Variants in PITPNM2 observed in about 807,000 individuals in gnomAD.
The protein encoded by PITPNM2 is membrane-associated phosphatidylinositol transfer protein 2.
PITPNM2 carries 35 observed loss-of-function variants against 132.2 expected under a neutral mutation model. That is an observed-to-expected ratio of 0.26 (90% confidence interval 0.20 to 0.35). PITPNM2 has a LOEUF of 0.35. Among genes scored for constraint, PITPNM2 ranks in the 10% least tolerant of loss-of-function variants. The probability of loss-of-function intolerance (pLI) is 1.00; values close to 1 mark genes in which losing one functional copy is unlikely to be tolerated. For missense variants in PITPNM2, 1,332 were observed against 1,912.0 expected (o/e 0.70, Z 5.66); for synonymous variants, 738 against 799.2 (o/e 0.92, Z 1.29).
rs1258789707 is a variant in PITPNM2, at chr12:122,987,266, C to T, written c.3413+15G>A. ...ACCTTGCTACAGCCCCTTTGTGCCC[C>T]TCTGGGCCACTCACCGCACCACGTC... On this transcript the variant is annotated intron_variant, in intron 23 of 25. Coordinates refer to ENST00000320201, the MANE Select transcript of PITPNM2 (RefSeq NM_020845.3). 1 of 1,610,992 alleles carries T rather than the reference C, an allele frequency of 6.2e-7. No homozygotes were observed. The highest frequency in any genetic ancestry group is 2.2e-5 in the East Asian group (1 of 44,888).
Position 122,990,549 on chromosome 12 carries a change from G to A in PITPNM2, c.2565C>T (p.Ala855=), listed in dbSNP as rs2038142207. 6.2e-7 allele frequency: 1 copy of A among 1,612,830 alleles called. No homozygotes were observed. The highest frequency in any genetic ancestry group is 1.1e-5 in the South Asian group (1 of 91,046). Residue 855 remains alanine (A), a synonymous_variant, in exon 17 of 26, where the codon GCC becomes GCT. Coordinates refer to ENST00000320201, the MANE Select transcript of PITPNM2 (RefSeq NM_020845.3). ...MAESYTASSI[A]QKAPDALSHT... ...TGAGGGGCCTGGTATACTCACTCTG[G>A]GCGATGCTGGATGCCGTGTAGCTCT...
At chr12:123,001,983 A>G (rs2038705520) in intron 8 of PITPNM2, among the ~76,000 whole-genome samples, 2 of 150,940 alleles carry the variant, frequency 1.3e-5, no homozygotes, top group Admixed American at 1.3e-4. Flanking sequence ...GCGAGCTGAG[A>G]TGGTGCCGTT....
chr12:123,015,403 G>A (rs1045387975), intron 3 of PITPNM2, among the ~76,000 whole-genome samples: 1 of 152,114 alleles, frequency 6.6e-6, no homozygotes, highest in African/African-American at 2.4e-5. Flanking sequence ...ATATATCTAT[G>A]ATCAATTAAT....
At chr12:123,072,189 C>T (rs2041638306) in intron 2 of PITPNM2, among the ~76,000 whole-genome samples, 1 of 152,162 alleles carries the variant, frequency 6.6e-6, no homozygotes. Flanking sequence ...GGGCACACAC[C>T]ATCCATTTGT....
intron 4 of PITPNM2, among the ~76,000 whole-genome samples, chr12:123,013,596 C>T (rs1282680606): frequency 6.6e-6 from 1 of 152,238 alleles, no homozygotes; most frequent in African/African-American, 2.4e-5. Flanking sequence ...TCATGGCCTC[C>T]ACACGTAGGC....
chr12:123,109,395 G>A (rs2042788196), intron 2 of PITPNM2, among the ~76,000 whole-genome samples: 1 of 152,322 alleles, frequency 6.6e-6, no homozygotes, highest in East Asian at 1.9e-4. Context: ...CCTGCTGCCA[G>A]CTGGGGGTGG....
chr12:123,065,275 T>C (rs953415578), intron 2 of PITPNM2, among the ~76,000 whole-genome samples: 1 of 152,208 alleles, frequency 6.6e-6, no homozygotes, highest in Admixed American at 6.5e-5. Flanking sequence ...GGTTCCCCCA[T>C]AGCCCTCCAG....
In PITPNM2 at chr12:123,106,577, G is replaced by A. The variant is rs902937585; in HGVS notation, c.-96+3808C>T. Among the ~76,000 whole-genome samples, 2 of 152,202 alleles carry A rather than the reference G, an allele frequency of 1.3e-5. No homozygotes were observed. The highest frequency in any genetic ancestry group is 2.9e-5 in the Non-Finnish European group (2 of 68,032). ...GCTAAAGCCCTGCGTACTGAGCAGC[G>A]TCAGGTGTGTGTCAAAGAACCATAT... On this transcript the variant is annotated intron_variant, in intron 2 of 25. Coordinates refer to ENST00000320201, the MANE Select transcript of PITPNM2 (RefSeq NM_020845.3). The surrounding 1 kb of genome is among the most constrained non-coding windows in gnomAD (Gnocchi z 4.4).
At chr12:123,109,944 C>G (rs994825839) in intron 2 of PITPNM2, among the ~76,000 whole-genome samples, 3 of 152,186 alleles carry the variant, frequency 2.0e-5, no homozygotes, top group Admixed American at 6.5e-5. Flanking sequence ...CCACATTAAT[C>G]AGATAAAGTC....
intron 8 of PITPNM2, among the ~76,000 whole-genome samples, chr12:123,002,274 T>G (rs2038725414): frequency 6.6e-6 from 1 of 152,188 alleles, no homozygotes; most frequent in South Asian, 2.1e-4. Context: ...AGGCAGAGAT[T>G]GCAGTGAGCT....
Position 123,018,293 on chromosome 12 carries a change from CTTTTTT to C in PITPNM2, c.79-4257_79-4252del, listed in dbSNP as rs3085478. ...TTTAATTTCTTTTCTTTTTTCTTTT[CTTTTTT>C]TTTTTTTTTTTTTGAGACAGAGTCT... On this transcript the variant is annotated intron_variant, in intron 3 of 25. Transcript: ENST00000320201. Among the ~76,000 whole-genome samples the C allele has an allele frequency of 1.5e-3, 193 of 126,258 alleles. 2 individuals carry two copies. Among genetic ancestry groups the C allele is most frequent in the Admixed American group, 2.6e-3 (33 of 12,476 alleles). The allele number at this position is 126,258 out of a possible 152,430, so 82.8% of individuals were successfully genotyped here. A position where few individuals can be genotyped will look rare whatever the true frequency, so the allele number is the denominator to read the frequency against.
intron 13 of PITPNM2, 94 bp downstream of exon 13, chr12:122,996,364 C>T (rs2038424339): frequency 1.3e-6 from 2 of 1,532,488 alleles, no homozygotes; most frequent in Non-Finnish European, 1.8e-6. Context: ...TGGACACAGC[C>T]TGGGGCCAGG....
intron 25 of PITPNM2, 31 bp downstream of exon 25, chr12:122,986,405 C>T (rs1375482663): frequency 2.6e-6 from 4 of 1,565,722 alleles, no homozygotes; most frequent in Non-Finnish European, 3.5e-6. Flanking sequence ...AGCTGCCCGC[C>T]TGCACCCGCC....
chr12:123,079,636 C>T (rs1002758804), intron 2 of PITPNM2, among the ~76,000 whole-genome samples: 2 of 152,066 alleles, frequency 1.3e-5, no homozygotes, highest in African/African-American at 2.4e-5. Context: ...CATGAGCCAC[C>T]GTGCCCGGCC....
At chr12:123,045,488 T>C (rs1238456531) in intron 2 of PITPNM2, among the ~76,000 whole-genome samples, 1 of 152,204 alleles carries the variant, frequency 6.6e-6, no homozygotes, top group East Asian at 1.9e-4. Flanking sequence ...GGATTGAATG[T>C]TGGCTGCAGA....
At position 122,995,456 on chromosome 12, in the gene PITPNM2, G is replaced by A. The variant is rs756855247; in HGVS notation, c.1987C>T (p.Arg663Cys). 7.4e-6 allele frequency: 12 copies of A among 1,613,906 alleles called. No individual in the cohort carries two copies. The highest frequency in any genetic ancestry group is 1.0e-5 in the Non-Finnish European group (12 of 1,179,936). The change falls in exon 14 of 26, where the codon CGC (arginine) becomes TGC (cysteine). Residue 663 changes from arginine to cysteine, a missense_variant. Around this residue, in one of 6 missense-constraint regions of PITPNM2, gnomAD observed 710 missense variants for 911.5 expected, o/e 0.78. Coordinates refer to ENST00000320201, the MANE Select transcript of PITPNM2 (RefSeq NM_020845.3). ...TAGGTGGATGAGTCGCTCCTCTTGCGGGGCAGTTGCCTTTTGGGGTCCTCA... is the reference window on the plus strand; with the variant it reads ...TAGGTGGATGAGTCGCTCCTCTTGCAGGGCAGTTGCCTTTTGGGGTCCTCA... ...GTEDPKRQLPRKRSDSSTYEL... is the reference protein window; with the variant it reads ...GTEDPKRQLPCKRSDSSTYEL...
intron 2 of PITPNM2, among the ~76,000 whole-genome samples, chr12:123,060,141 C>T (rs1000214741): frequency 1.3e-5 from 2 of 152,128 alleles, no homozygotes; most frequent in African/African-American, 4.8e-5. Context: ...GTGAGTTTTC[C>T]ATGTTGACCT....
rs950946906 is a variant in PITPNM2, at chr12:123,111,664, C to G, written c.-199-1176G>C. On this transcript the variant is annotated intron_variant, in intron 1 of 25. Transcript: ENST00000320201. The surrounding 1 kb of genome is among the most constrained non-coding windows in gnomAD (Gnocchi z 4.1). Reference sequence around the variant, plus strand: ...CGCGTCCTGCATGCCCACCCCCGTGCAGGCTCCTCTGTGGGACTGAGGCTC... The same window carrying G: ...CGCGTCCTGCATGCCCACCCCCGTGGAGGCTCCTCTGTGGGACTGAGGCTC... Among the ~76,000 whole-genome samples, 2 of 152,234 alleles carry G rather than the reference C, an allele frequency of 1.3e-5. No homozygotes were observed. The highest frequency in any genetic ancestry group is 2.9e-5 in the Non-Finnish European group (2 of 68,038).
intron 1 of PITPNM2, among the ~76,000 whole-genome samples, chr12:123,114,279 A>T (rs1431746181): frequency 6.6e-6 from 1 of 151,980 alleles, no homozygotes; most frequent in Non-Finnish European, 1.5e-5. Context: ...GTATTTTGAA[A>T]ACCTTCAAAA....
Sources: allele counts gnomAD v4.1 joint callset (sites outside exome capture counted in the v4.1 genomes callset), GRCh38; gene constraint gnomAD v4.1.1; regional missense constraint gnomAD v4.1.1; non-coding constraint Gnocchi (gnomAD v3.1); transcripts MANE v1.5; gene names NCBI Gene and HGNC (gene_info 2026-07-23, HGNC 2026-07-21).